The following ERAP1 variants were observed in gnomAD, a reference collection of about 807,000 sequenced individuals.
ERAP1 encodes adipocyte-derived leucine aminopeptidase.
A neutral mutation model predicts 103.7 loss-of-function variants in ERAP1; 86 were observed. That is an observed-to-expected ratio of 0.83 (90% CI 0.70 to 0.99). The LOEUF (loss-of-function observed/expected upper bound fraction) is 0.99, where lower values mean the gene tolerates loss of function less well. ERAP1 is among the 50% of genes least tolerant of loss of function. ERAP1 has a pLI of 0.00. For missense variants in ERAP1, 1,009 were observed against 1,128.4 expected (o/e 0.89, Z 1.52); for synonymous variants, 398 against 402.4 (o/e 0.99, Z 0.13).
At chr5:96,871,798 T>C in the ERAP1 span, among the ~76,000 whole-genome samples, 3 of 152,254 alleles carry the variant, frequency 2.0e-5, no homozygotes, top group African/African-American at 4.8e-5. Flanking sequence ...AAGTGCTTTG[T>C]GGAAGGCATT....
the ERAP1 span, among the ~76,000 whole-genome samples, chr5:96,845,175 T>G: frequency 6.6e-6 from 1 of 152,086 alleles, no homozygotes; most frequent in Non-Finnish European, 1.5e-5. Flanking sequence ...AATAAGAATA[T>G]CAGTATAAAA....
the ERAP1 span, among the ~76,000 whole-genome samples, chr5:96,887,073 G>GTATATATATATA: frequency 8.3e-4 from 72 of 87,152 alleles, no homozygotes; most frequent in East Asian, 1.7e-3. Context: ...AATTTTCAAA[G>GTATATATATATA]TATATATATA....
At chr5:96,850,090 ATC>A in the ERAP1 span, among the ~76,000 whole-genome samples, 1 of 152,228 alleles carries the variant, frequency 6.6e-6, no homozygotes, top group African/African-American at 2.4e-5. Flanking sequence ...CTATACAAGA[ATC>A]AACTGATAAT....
intron 7 of ERAP1, among the ~76,000 whole-genome samples, chr5:96,792,486 A>G (rs889983692): frequency 6.6e-6 from 1 of 152,228 alleles, no homozygotes; most frequent in Non-Finnish European, 1.5e-5. Context: ...CCAAACAGCA[A>G]CACAACAAGA....
At chr5:96,798,437 C>A (rs564277867) in intron 3 of ERAP1, among the ~76,000 whole-genome samples, 3 of 151,520 alleles carry the variant, frequency 2.0e-5, no homozygotes, top group Non-Finnish European at 4.4e-5. Context: ...TCTTAGAGGT[C>A]TGCCCCTAAA....
the ERAP1 span, among the ~76,000 whole-genome samples, chr5:96,933,057 T>C: frequency 6.6e-6 from 1 of 152,176 alleles, no homozygotes; most frequent in Non-Finnish European, 1.5e-5. Flanking sequence ...TGTGAAATTG[T>C]GATATCATAT....
At chr5:96,901,739 C>G in the ERAP1 span, 124 of 1,547,400 alleles carry the variant, frequency 8.0e-5, no homozygotes, top group African/African-American at 1.6e-3. Context: ...TCGTTATTTC[C>G]TTAGCTTTCT....
At chr5:96,878,563 A>C in the ERAP1 span, among the ~76,000 whole-genome samples, 136 of 152,234 alleles carry the variant, frequency 8.9e-4, no homozygotes, top group African/African-American at 3.0e-3. Context: ...GGAGGCTGAG[A>C]CATCAGGATT....
At position 96,780,483 on chromosome 5, in the gene ERAP1, G is replaced by T; in HGVS notation, c.2610C>A (p.Ser870=). 6.2e-7 allele frequency: 1 copy of T among 1,613,198 alleles called. No homozygotes were observed. Among genetic ancestry groups the T allele is most frequent in the Non-Finnish European group, 8.5e-7 (1 of 1,179,508 alleles). Residue 870 remains serine (S), a synonymous_variant, in exon 18 of 19, where the codon TCC becomes TCA. Transcript: ENST00000443439. The stretch of plus-strand genomic sequence containing the variant: ...TTGTACCCATTACCATGTGGGCTAT[G>T]GAAGATGAGCCAAGTTCAAACCTAG... ...LVQKFELGSS[S]IAHMVMGTTN...
chr5:96,838,510 T>C, the ERAP1 span, among the ~76,000 whole-genome samples: 1 of 152,258 alleles, frequency 6.6e-6, no homozygotes, highest in Admixed American at 6.5e-5. Context: ...TAGATAGTGA[T>C]ATAATAGTTC....
intron 12 of ERAP1, 23 bp downstream of exon 12, chr5:96,786,447 T>G (rs370029030): frequency 8.8e-6 from 13 of 1,479,420 alleles, no homozygotes; most frequent in Middle Eastern, 4.3e-4. Context: ...TTGAATTAAC[T>G]AGTAGTTTCC....
At chr5:96,765,074 A>T in intron 19 of ERAP1, 1 of 630,464 alleles carries the variant, frequency 1.6e-6, no homozygotes, top group African/African-American at 1.9e-5. Flanking sequence ...CTCTTCTCTG[A>T]CCCTGTCTAC....
upstream of ERAP1, chr5:96,808,162 G>T (rs1202214303): frequency 1.0e-6 from 1 of 984,408 alleles, no homozygotes; most frequent in Non-Finnish European, 1.2e-6. Context: ...GGCGTAGGAA[G>T]TGCACGCCTT....
the ERAP1 span, among the ~76,000 whole-genome samples, chr5:96,870,531 C>T: frequency 6.6e-6 from 1 of 152,168 alleles, no homozygotes; most frequent in African/African-American, 2.4e-5. Context: ...CCCCATGAAA[C>T]TCTCATGCAA....
At chr5:96,787,875 TAG>T (rs138623317) in intron 11 of ERAP1, among the ~76,000 whole-genome samples, 10,977 of 147,864 alleles carry the variant, frequency 0.074, 514 homozygotes, top group Non-Finnish European at 0.1. Context: ...CATATATATA[TAG>T]AGAGAGAGAG....
At chr5:96,816,350 C>G in the ERAP1 span, among the ~76,000 whole-genome samples, 1 of 152,016 alleles carries the variant, frequency 6.6e-6, no homozygotes, top group African/African-American at 2.4e-5. Flanking sequence ...GCTGGATAGG[C>G]AGATAGAGAT....
chr5:96,820,414 A>G, the ERAP1 span, among the ~76,000 whole-genome samples: 4 of 152,192 alleles, frequency 2.6e-5, no homozygotes, highest in Non-Finnish European at 5.9e-5. Flanking sequence ...TTTGTATGTC[A>G]TACTTCTAAT....
chr5:96,811,683 G>A (rs958604840), upstream of ERAP1, among the ~76,000 whole-genome samples: 3 of 152,206 alleles, frequency 2.0e-5, no homozygotes, highest in African/African-American at 7.2e-5. Flanking sequence ...CTATGGGAGC[G>A]AGCAATGTAT....
chr5:96,785,716 T>C, intron 13 of ERAP1, 72 bp downstream of exon 13: 1 of 1,522,358 alleles, frequency 6.6e-7, no homozygotes, highest in African/African-American at 1.4e-5. Flanking sequence ...ATTTTTGTCT[T>C]TAGAAATCAA....
Sources: allele counts gnomAD v4.1 joint callset (sites outside exome capture counted in the v4.1 genomes callset), GRCh38; gene constraint gnomAD v4.1.1; transcripts MANE v1.5; gene names NCBI Gene and HGNC (gene_info 2026-07-23, HGNC 2026-07-21).